EML5: variants seen among roughly 807,000 people sequenced by gnomAD.
EML5 encodes EMAP like 5.
A neutral mutation model predicts 250.0 loss-of-function variants in EML5; 120 were observed. The observed-to-expected ratio is 0.48, with a 90% CI of 0.41 to 0.56. EML5 has a LOEUF of 0.56. EML5 is among the 20% of genes least tolerant of loss of function. EML5 has a pLI of 0.00. For missense variants in EML5, 2,006 were observed against 2,437.6 expected, an observed-to-expected ratio of 0.82 and a Z score of 3.73; for synonymous variants, 771 against 806.5, an observed-to-expected ratio of 0.96 and a Z score of 0.75.
intron 29 of EML5, among the ~76,000 whole-genome samples, chr14:88,646,463 G>T (rs1489211955): frequency 6.6e-6 from 1 of 151,998 alleles, no homozygotes; most frequent in Non-Finnish European, 1.5e-5. Context: ...TTTCTGACAG[G>T]ACCATTTCAA....
chr14:88,690,955 C>G (rs1444627698), intron 17 of EML5, among the ~76,000 whole-genome samples: 1 of 152,052 alleles, frequency 6.6e-6, no homozygotes, highest in East Asian at 2.0e-4. Flanking sequence ...CAGGTTAGCA[C>G]TCTGAGCTGC....
intron 31 of EML5, among the ~76,000 whole-genome samples, chr14:88,642,674 T>C (rs1595341125): frequency 2.0e-5 from 3 of 152,340 alleles, no homozygotes; most frequent in Middle Eastern, 6.8e-3. Flanking sequence ...GCACTTTGCA[T>C]TATGAATTCC....
At chr14:88,704,753 C>T (rs569276943) in intron 13 of EML5, 107 bp downstream of exon 13, 99 of 753,966 alleles carry the variant, frequency 1.3e-4, no homozygotes, top group African/African-American at 3.1e-4. Flanking sequence ...TGTATCCTTT[C>T]GGATATGTCA....
chr14:88,674,001 GCTGACAC>G (rs1158443020), intron 21 of EML5, among the ~76,000 whole-genome samples: 1 of 152,178 alleles, frequency 6.6e-6, no homozygotes, highest in African/African-American at 2.4e-5. Flanking sequence ...GGGTGTGGTG[GCTGACAC>G]CTGTAATCCC....
At chr14:88,740,902 C>A (rs1003818653) in intron 4 of EML5, among the ~76,000 whole-genome samples, 2 of 152,148 alleles carry the variant, frequency 1.3e-5, no homozygotes, top group African/African-American at 4.8e-5. Context: ...GTGGCTCATG[C>A]CTGTAATCCC....
Position 88,615,270 on chromosome 14 carries a change from A to G in EML5, c.*548T>C, listed in dbSNP as rs2087419019. ...AGGACCTTATTAATGCCTAAAAAAC[A>G]TCATATTCTCTAGGAAAGCTTGTGT... On this transcript the variant is annotated 3_prime_UTR_variant, in exon 44 of 44. Coordinates refer to ENST00000554922, the MANE Select transcript of EML5 (RefSeq NM_183387.3). The G allele has an allele frequency of 6.6e-6, 1 of 152,216 alleles. No homozygotes were observed. The highest frequency in any genetic ancestry group is 2.4e-5 in the African/African-American group (1 of 41,430). The allele number at this position is 152,216 out of a possible 1,614,324, so 9.4% of individuals were successfully genotyped here.
intron 40 of EML5, 135 bp from the exon 41 acceptor site, chr14:88,618,466 A>G: frequency 9.1e-7 from 1 of 1,098,420 alleles, no homozygotes; most frequent in Admixed American, 2.4e-5. Context: ...AGATCACTAC[A>G]AAAACTTAAT....
chr14:88,764,677 A>G lies in EML5; in HGVS notation c.198-10006T>C, dbSNP rs182210275. Among the ~76,000 whole-genome samples, 3 of 152,314 alleles carry G rather than the reference A, an allele frequency of 2.0e-5. No homozygotes were observed. In the East Asian group the frequency reaches 5.8e-4, roughly 29 times the overall value. ...CAGACTCCTAGATTACTGACCTGAG[A>G]TTATTTTTCTTTTAAAAAATATGCA... On this transcript the variant is annotated intron_variant, in intron 1 of 43. Transcript: ENST00000554922.
At chr14:88,641,872 G>C (rs2091085055) in intron 31 of EML5, among the ~76,000 whole-genome samples, 1 of 152,162 alleles carries the variant, frequency 6.6e-6, no homozygotes. Flanking sequence ...GTATAAACAT[G>C]AGAGTTTACA....
intron 1 of EML5, among the ~76,000 whole-genome samples, chr14:88,759,120 G>A (rs935997511): frequency 1.3e-5 from 2 of 152,046 alleles, no homozygotes; most frequent in African/African-American, 4.8e-5. Flanking sequence ...ACTGAATTGT[G>A]CACTTAAAGT....
chr14:88,629,585 T>G (rs2090312794), intron 33 of EML5, among the ~76,000 whole-genome samples: 1 of 152,238 alleles, frequency 6.6e-6, no homozygotes, highest in Non-Finnish European at 1.5e-5. Flanking sequence ...TCATTCCTGA[T>G]GCTTGGGTAA....
At position 88,664,547 on chromosome 14, in the gene EML5, C is replaced by G; in HGVS notation, c.3355G>C (p.Gly1119Arg). 1 of 1,610,832 alleles carries G rather than the reference C, an allele frequency of 6.2e-7. No individual in the cohort carries two copies. Among genetic ancestry groups the G allele is most frequent in the Non-Finnish European group, 8.5e-7 (1 of 1,178,754 alleles). The change falls in exon 23 of 44, where the codon GGA becomes CGA. Residue 1119 changes from glycine to arginine, a missense_variant. Transcript: ENST00000554922. ...IYNVMSSKRV[G>R]ICKGATSYIT... The stretch of plus-strand genomic sequence containing the variant: ...TAACTGGTAGCTCCTTTGCATATTC[C>G]TACTCGTTTACTACTCATTACATTG...
At chr14:88,787,316 T>A (rs994485887) in intron 1 of EML5, among the ~76,000 whole-genome samples, 1 of 152,228 alleles carries the variant, frequency 6.6e-6, no homozygotes, top group African/African-American at 2.4e-5. Flanking sequence ...ACTCTGAGTA[T>A]CTTAAGGCAG....
At position 88,738,807 on chromosome 14, in the gene EML5, C is replaced by T. The variant is rs1354301524; in HGVS notation, c.847+72G>A. 5.5e-6 allele frequency: 8 copies of T among 1,463,018 alleles called. No individual in the cohort carries two copies. In the African/African-American group the frequency reaches 8.6e-5, roughly 16 times the overall value. The allele number at this position is 1,463,018 out of a possible 1,614,324, so 90.6% of individuals were successfully genotyped here. A position where few individuals can be genotyped will look rare whatever the true frequency, so the allele number is the denominator to read the frequency against. On this transcript the variant is annotated intron_variant, in intron 6 of 43. Coordinates refer to ENST00000554922, the MANE Select transcript of EML5 (RefSeq NM_183387.3). ...TATTTACAAAACTTACATTTATACT[C>T]ACTGAAAGAAAGAGATAATCTTTGG...
intron 20 of EML5, 79 bp from the exon 21 acceptor site, chr14:88,682,110 A>G (rs2092725465): frequency 2.3e-6 from 3 of 1,308,432 alleles, no homozygotes; most frequent in Non-Finnish European, 3.0e-6. Flanking sequence ...AAAGCTAAAG[A>G]TACCATTCAA....
chr14:88,783,414 C>T (rs2094518322), intron 1 of EML5, among the ~76,000 whole-genome samples: 1 of 152,170 alleles, frequency 6.6e-6, no homozygotes, highest in African/African-American at 2.4e-5. Flanking sequence ...GGAGCTTCCA[C>T]TGATCCAAGA....
chr14:88,776,875 C>T (rs555113649), intron 1 of EML5, among the ~76,000 whole-genome samples: 25 of 151,956 alleles, frequency 1.6e-4, no homozygotes, highest in African/African-American at 3.1e-4. Flanking sequence ...AGCAAGACCC[C>T]GTCTCAAAAA....
At chr14:88,786,260 T>G (rs2094550060) in intron 1 of EML5, among the ~76,000 whole-genome samples, 1 of 152,168 alleles carries the variant, frequency 6.6e-6, no homozygotes. Flanking sequence ...TCACCTTCTT[T>G]TCCTTAGCTC....
chr14:88,688,175 C>T, intron 18 of EML5, 96 bp downstream of exon 18: 1 of 1,244,718 alleles, frequency 8.0e-7, no homozygotes, highest in Non-Finnish European at 1.2e-6. Flanking sequence ...GCTGGATAGT[C>T]CAGGCAAGTA....
Sources: allele counts gnomAD v4.1 joint callset (sites outside exome capture counted in the v4.1 genomes callset), GRCh38; gene constraint gnomAD v4.1.1; transcripts MANE v1.5; gene names NCBI Gene and HGNC (gene_info 2026-07-23, HGNC 2026-07-21).